The following SNPH variants were observed in gnomAD, a reference collection of about 807,000 sequenced individuals.
SNPH encodes syntaphilin.
In SNPH, 10 loss-of-function variants were observed where a neutral mutation model predicts 36.8. That is an observed-to-expected ratio of 0.27 (90% CI 0.17 to 0.46). The LOEUF is 0.46. Ranked by LOEUF, SNPH falls within the 20% of genes least tolerant of loss-of-function variation. The probability of loss-of-function intolerance (pLI) is 1.00; values close to 1 mark genes in which losing one functional copy is unlikely to be tolerated. For missense variants in SNPH, 622 were observed against 744.0 expected (o/e 0.84, Z 1.91); for synonymous variants, 281 against 312.2 (o/e 0.90, Z 1.05).
At chr20:1,269,743 C>T (rs1030988140) in intron 2 of SNPH, among the ~76,000 whole-genome samples, 1 of 152,112 alleles carries the variant, frequency 6.6e-6, no homozygotes, top group Admixed American at 6.6e-5. Flanking sequence ...GCCCCTTTAC[C>T]GAGGATAATG....
chr20:1,286,991 C>T (rs576461276), intron 2 of SNPH, among the ~76,000 whole-genome samples: 1 of 152,296 alleles, frequency 6.6e-6, no homozygotes, highest in Admixed American at 6.5e-5. Flanking sequence ...GCTCTGAGGG[C>T]ACCATCTTTC....
Position 1,300,653 on chromosome 20 carries a change from G to T in SNPH, c.382G>T (p.Val128Leu). The change falls in exon 6 of 7, where the codon GTG (valine) becomes TTG (leucine). Residue 128 changes from valine (V) to leucine (L), a missense_variant. This residue lies in a region of SNPH where 187 missense variants were observed against 209.4 expected (regional missense o/e 0.89). Transcript: ENST00000381867. ...QYLTPLQQKE[V>L]CIRHLKARLK... ...CCTGACCCCCCTGCAGCAGAAGGAG[G>T]TGTGCATCCGGCACCTGAAAGCCCG... is the stretch of plus-strand genomic sequence containing the variant. 6.2e-7 allele frequency: 1 copy of T among 1,613,132 alleles called. No individual in the cohort carries two copies. The highest frequency in any genetic ancestry group is 1.1e-5 in the South Asian group (1 of 91,030).
At chr20:1,295,571 G>T (rs900728215) in intron 3 of SNPH, among the ~76,000 whole-genome samples, 1 of 152,246 alleles carries the variant, frequency 6.6e-6, no homozygotes, top group Non-Finnish European at 1.5e-5. Context: ...ACATGGGTGG[G>T]TGCGGACATG....
rs1269899541 is a variant in SNPH at position 1,285,221 on chromosome 20, A to G, written c.-492-9730A>G. Among the ~76,000 whole-genome samples, 1 of 152,174 alleles carries G rather than the reference A, an allele frequency of 6.6e-6. No homozygotes were observed. The highest frequency in any genetic ancestry group is 1.5e-5 in the Non-Finnish European group (1 of 68,032). ...TTTTAAGGCAAAATCAGAAATTCAT[A>G]TTTTGGATGTGTTAATTTTGAGATA... On this transcript the variant is annotated intron_variant, in intron 2 of 6. Transcript: ENST00000381867. This position sits in a 1 kb window ranked among gnomAD's most constrained non-coding sequence, Gnocchi z 4.9.
At position 1,285,598 on chromosome 20, in the gene SNPH, A is replaced by T. The variant is rs1205416488; in HGVS notation, c.-492-9353A>T. Among the ~76,000 whole-genome samples the T allele has an allele frequency of 1.3e-5, 2 of 152,196 alleles. No homozygotes were observed. The highest frequency in any genetic ancestry group is 2.9e-5 in the Non-Finnish European group (2 of 68,040). On this transcript the variant is annotated intron_variant, in intron 2 of 6. Transcript: ENST00000381867. The surrounding 1 kb of genome is among the most constrained non-coding windows in gnomAD (Gnocchi z 4.9). Reference sequence around the variant, plus strand: ...CTCATGCACAACTGTAATTAGCCCCATTTGAGAGATAAGGAGAATGAGGCT... The same window carrying T: ...CTCATGCACAACTGTAATTAGCCCCTTTTGAGAGATAAGGAGAATGAGGCT...
intron 2 of SNPH, among the ~76,000 whole-genome samples, chr20:1,286,277 T>C (rs2088283360): frequency 6.6e-6 from 1 of 152,062 alleles, no homozygotes; most frequent in African/African-American, 2.4e-5. Context: ...TTCCAGCAAG[T>C]GTGAGCCACA....
At position 1,305,110 on chromosome 20, in the gene SNPH, C is replaced by T. The variant is rs2088551343; in HGVS notation, c.673C>T (p.Leu225=). ...CCAGAACAAGAAGCTGGAGACGCTG[C>T]TGCACAGCATGGAGGTGGCCCAGAA... is the stretch of plus-strand genomic sequence containing the variant. ...NIQNKKLETL[L]HSMEVAQNGM... is the part of the protein sequence containing the mutation. The change falls in exon 7 of 7, where the codon CTG becomes TTG. Residue 225 remains leucine, a synonymous_variant. Transcript: ENST00000381867. 1 of 1,613,814 alleles carries T rather than the reference C, an allele frequency of 6.2e-7. No homozygotes were observed. The highest frequency in any genetic ancestry group is 8.5e-7 in the Non-Finnish European group (1 of 1,180,048).
chr20:1,290,720 T>A (rs1375470409), intron 2 of SNPH, among the ~76,000 whole-genome samples: 1 of 152,236 alleles, frequency 6.6e-6, no homozygotes, highest in Non-Finnish European at 1.5e-5. Context: ...AGCAGTGGAA[T>A]TGCTGGTTCT....
rs1473546307 is a variant in SNPH at position 1,266,823 on chromosome 20, C to G, written c.-493+63C>G. 1.5e-6 allele frequency: 2 copies of G among 1,303,844 alleles called. No homozygotes were observed. The highest frequency in any genetic ancestry group is 1.9e-6 in the Non-Finnish European group (2 of 1,026,180). 80.8% of individuals were successfully genotyped at this position (1,303,844 alleles called of 1,614,324 possible). On this transcript the variant is annotated intron_variant, in intron 2 of 6. Transcript: ENST00000381867. The surrounding 1 kb of genome is among the most constrained non-coding windows in gnomAD (Gnocchi z 6.0). The stretch of plus-strand genomic sequence containing the variant: ...GCTGCACCGCGGCAGGTGGGGGCCG[C>G]TTGCAACCGCTCGCTGCGGTAGAAT...
At position 1,305,300 on chromosome 20, in the gene SNPH, G is replaced by A. The variant is rs745444756; in HGVS notation, c.863G>A (p.Gly288Asp). ...SGSAEDGADSGFAAADDTLSR... is the reference protein window; with the variant it reads ...SGSAEDGADSDFAAADDTLSR... ...TCTGCTGAGGATGGGGCAGACAGTGGCTTTGCAGCAGCCGATGACACACTG... is the reference window on the plus strand; with the variant it reads ...TCTGCTGAGGATGGGGCAGACAGTGACTTTGCAGCAGCCGATGACACACTG... The change falls in exon 7 of 7, where the codon GGC (glycine) becomes GAC (aspartate). Residue 288 changes from glycine (G) to aspartate (D), a missense_variant. By Grantham distance (94) the Gly-to-Asp change is moderately conservative. Transcript: ENST00000381867. The A allele has an allele frequency of 8.7e-6, 14 of 1,610,292 alleles. No individual in the cohort carries two copies. The highest frequency in any genetic ancestry group is 1.3e-5 in the African/African-American group (1 of 74,940).
chr20:1,300,739 G>A, intron 6 of SNPH, 28 bp downstream of exon 6: 1 of 1,593,120 alleles, frequency 6.3e-7, no homozygotes, highest in Admixed American at 1.7e-5. Flanking sequence ...AGCAGCCCTG[G>A]GGGTACCCCA....
chr20:1,289,483 C>T (rs1568544835), intron 2 of SNPH, among the ~76,000 whole-genome samples: 1 of 151,144 alleles, frequency 6.6e-6, no homozygotes, highest in Non-Finnish European at 1.5e-5. Flanking sequence ...CCATGCCTGT[C>T]TTTTTATTAA....
At chr20:1,277,693 T>A (rs1403673844) in intron 2 of SNPH, among the ~76,000 whole-genome samples, 1 of 148,388 alleles carries the variant, frequency 6.7e-6, no homozygotes, top group Non-Finnish European at 1.5e-5. Context: ...TGTGTGTGCC[T>A]GTGTGTCTGT....
intron 2 of SNPH, among the ~76,000 whole-genome samples, chr20:1,291,438 A>G (rs1331016675): frequency 6.6e-6 from 1 of 152,236 alleles, no homozygotes; most frequent in Non-Finnish European, 1.5e-5. Flanking sequence ...TAGCCAGTGC[A>G]GGGTTTACTG....
In SNPH at chr20:1,266,766, G is replaced by A; in HGVS notation, c.-493+6G>A. 5 of 1,356,386 alleles carry A rather than the reference G, an allele frequency of 3.7e-6. No individual in the cohort carries two copies. Among genetic ancestry groups the A allele is most frequent in the Non-Finnish European group, 4.7e-6 (5 of 1,054,744 alleles). 84.0% of individuals were successfully genotyped at this position (1,356,386 alleles called of 1,614,324 possible). ...CGGAGGGCCAGTGGACTCAGGTGAG[G>A]AGGCCGCGGCGGAGCGGGGAGCTGG... On this transcript the variant is annotated splice_donor_region_variant and intron_variant, in intron 2 of 6. Coordinates refer to ENST00000381867, the MANE Select transcript of SNPH (RefSeq NM_001318234.2). The surrounding 1 kb of genome is among the most constrained non-coding windows in gnomAD (Gnocchi z 6.0).
At chr20:1,280,576 C>G (rs139003313) in intron 2 of SNPH, among the ~76,000 whole-genome samples, 5 of 152,204 alleles carry the variant, frequency 3.3e-5, no homozygotes, top group African/African-American at 9.6e-5. Flanking sequence ...TATACATGGG[C>G]AGACTGAGGG....
chr20:1,305,198 C>G lies in SNPH; in HGVS notation c.761C>G (p.Thr254Ser). 6.2e-7 allele frequency: 1 copy of G among 1,611,994 alleles called. No individual in the cohort carries two copies. Among genetic ancestry groups the G allele is most frequent in the Non-Finnish European group, 8.5e-7 (1 of 1,179,656 alleles). The part of the protein sequence containing the change: ...SAGGSPARSL[T>S]RSSTYTKLSD... Reference sequence around the variant, plus strand: ...GGTGGGTCCCCTGCCCGCTCCCTCACCCGCAGCTCCACCTACACCAAGCTG... The same window carrying G: ...GGTGGGTCCCCTGCCCGCTCCCTCAGCCGCAGCTCCACCTACACCAAGCTG... Residue 254 changes from threonine to serine, a missense_variant, in exon 7 of 7, where the codon ACC becomes AGC. By Grantham distance (58) the Thr-to-Ser change is moderately conservative. Transcript: ENST00000381867.
At chr20:1,278,965 T>C (rs553092915) in intron 2 of SNPH, among the ~76,000 whole-genome samples, 1 of 152,366 alleles carries the variant, frequency 6.6e-6, no homozygotes, top group African/African-American at 2.4e-5. Context: ...CATTCATCTG[T>C]TTGTTGATGG....
Position 1,307,216 on chromosome 20 carries a change from A to G in SNPH, c.*1162A>G, listed in dbSNP as rs1473990778. The G allele has an allele frequency of 2.6e-5, 4 of 152,490 alleles. No homozygotes were observed. The highest frequency in any genetic ancestry group is 5.9e-5 in the Non-Finnish European group (4 of 68,040). 9.4% of individuals were successfully genotyped at this position (152,490 alleles called of 1,614,324 possible). ...AGGGTGGGGTATTCTGGCAGGATGAATCGCAGGATGGCGCGTACTGAAGCC... is the reference window on the plus strand; with the variant it reads ...AGGGTGGGGTATTCTGGCAGGATGAGTCGCAGGATGGCGCGTACTGAAGCC... On this transcript the variant is annotated 3_prime_UTR_variant, in exon 7 of 7. Transcript: ENST00000381867.
Sources: gnomAD v4.1 joint callset for allele counts (sites outside exome capture counted in the v4.1 genomes callset) on GRCh38, gnomAD v4.1.1 for gene constraint, gnomAD v4.1.1 regional missense constraint, Gnocchi (gnomAD v3.1) non-coding constraint, MANE v1.5 for transcripts, NCBI Gene and HGNC (gene_info 2026-07-23, HGNC 2026-07-21) for gene names.